The following FGGY variants were observed in gnomAD, a reference collection of about 807,000 sequenced individuals.
FGGY encodes FGGY carbohydrate kinase domain-containing protein.
A neutral mutation model predicts 71.3 loss-of-function variants in FGGY; 72 were observed. The ratio of observed to expected loss-of-function variants is 1.01; its 90% CI spans 0.84 to 1.23. The LOEUF (loss-of-function observed/expected upper bound fraction) is 1.23, where lower values mean the gene tolerates loss of function less well. Ranked by LOEUF, FGGY falls within the 50% of genes most tolerant of loss-of-function variation. The pLI is 0.00. For missense variants in FGGY, 668 were observed against 682.3 expected, an observed-to-expected ratio of 0.98 and a Z score of 0.23; for synonymous variants, 251 against 250.3, an observed-to-expected ratio of 1.00 and a Z score of -0.02.
At chr1:59,722,153 T>C (rs749310996) in intron 14 of FGGY, among the ~76,000 whole-genome samples, 38 of 142,646 alleles carry the variant, frequency 2.7e-4, no homozygotes, top group Admixed American at 4.6e-4. Context: ...TGTCCTTCAG[T>C]TGAGATTTGT....
At chr1:59,439,036 C>A (rs1432674059) in intron 5 of FGGY, among the ~76,000 whole-genome samples, 1 of 152,116 alleles carries the variant, frequency 6.6e-6, no homozygotes, top group Non-Finnish European at 1.5e-5. Flanking sequence ...TTTTTCCTTG[C>A]ACTTGACAGC....
chr1:59,491,933 T>C (rs2093878922), intron 6 of FGGY, among the ~76,000 whole-genome samples: 2 of 152,174 alleles, frequency 1.3e-5, no homozygotes, highest in African/African-American at 4.8e-5. Context: ...ACGCGTGTCG[T>C]TCTTATTGGA....
intron 14 of FGGY, among the ~76,000 whole-genome samples, chr1:59,700,231 A>G (rs2154016966): frequency 6.6e-6 from 1 of 152,350 alleles, no homozygotes; most frequent in Middle Eastern, 3.4e-3. Context: ...AAAAGCAAAT[A>G]CAGTGCACAG....
intron 15 of FGGY, among the ~76,000 whole-genome samples, chr1:59,760,473 A>G (rs1022185611): frequency 2.6e-5 from 4 of 152,236 alleles, no homozygotes; most frequent in African/African-American, 7.2e-5. Context: ...AAAGTAGGGT[A>G]TGGAAGAGAT....
At chr1:59,674,267 A>G (rs1351092218) in intron 14 of FGGY, 134 bp downstream of exon 14, 2 of 616,040 alleles carry the variant, frequency 3.2e-6, no homozygotes, top group Non-Finnish European at 5.8e-6. Flanking sequence ...CAGGGAAAGC[A>G]CAAACACTTC....
At chr1:59,418,282 A>G (rs1266945858) in intron 5 of FGGY, among the ~76,000 whole-genome samples, 2 of 152,166 alleles carry the variant, frequency 1.3e-5, no homozygotes, top group Non-Finnish European at 2.9e-5. Context: ...TGCTGACTAT[A>G]TGATATCTGT....
intron 14 of FGGY, among the ~76,000 whole-genome samples, chr1:59,687,268 CA>C (rs1285636818): frequency 6.6e-6 from 1 of 152,166 alleles, no homozygotes; most frequent in Non-Finnish European, 1.5e-5. Flanking sequence ...CAGCCTCTCT[CA>C]GATCCCAGTT....
At chr1:59,558,349 G>A (rs140918103) in intron 8 of FGGY, among the ~76,000 whole-genome samples, 53 of 152,226 alleles carry the variant, frequency 3.5e-4, no homozygotes, top group African/African-American at 1.1e-3. Flanking sequence ...TCTATTTTCC[G>A]TAAGTGTCAG....
chr1:59,725,840 A>G (rs2097941182), intron 14 of FGGY, among the ~76,000 whole-genome samples: 1 of 152,150 alleles, frequency 6.6e-6, no homozygotes, highest in South Asian at 2.1e-4. Flanking sequence ...GATTTTCCAC[A>G]TAGACATTCA....
At chr1:59,644,620 C>A (rs1432429958) in intron 11 of FGGY, among the ~76,000 whole-genome samples, 1 of 151,632 alleles carries the variant, frequency 6.6e-6, no homozygotes, top group East Asian at 1.9e-4. Context: ...CAGACACGCC[C>A]CCCCCCACCC....
rs1468509740 is a variant in FGGY, at chr1:59,580,222, C to A, written c.903+25995C>A. On this transcript the variant is annotated intron_variant, in intron 8 of 15. Transcript: ENST00000303721. ...CCTACGCTCCACTGGACTGTAAGTTCCATGAAGACAGAACTTTGTTTTTTC... is the reference window on the plus strand; with the variant it reads ...CCTACGCTCCACTGGACTGTAAGTTACATGAAGACAGAACTTTGTTTTTTC... Among the ~76,000 whole-genome samples the A allele has an allele frequency of 2.6e-5, 4 of 152,182 alleles. No homozygotes were observed. In the South Asian group the frequency reaches 6.2e-4, roughly 24 times the overall value.
intron 4 of FGGY, among the ~76,000 whole-genome samples, chr1:59,348,972 C>G (rs937842342): frequency 1.3e-5 from 2 of 152,090 alleles, no homozygotes; most frequent in Non-Finnish European, 2.9e-5. Flanking sequence ...GTTGTATTAA[C>G]CAGTTTGAAA....
intron 5 of FGGY, among the ~76,000 whole-genome samples, chr1:59,396,466 GC>G (rs970184565): frequency 6.6e-6 from 1 of 152,092 alleles, no homozygotes; most frequent in Non-Finnish European, 1.5e-5. Flanking sequence ...CCTCCATTCA[GC>G]CCTGCTGTCT....
intron 14 of FGGY, among the ~76,000 whole-genome samples, chr1:59,697,047 T>TA (rs1231392091): frequency 2.6e-5 from 4 of 151,738 alleles, no homozygotes; most frequent in Non-Finnish European, 1.5e-5. Context: ...GGCGAGGAAA[T>TA]ACCACAAAAA....
At chr1:59,437,838 A>C (rs537391009) in intron 5 of FGGY, among the ~76,000 whole-genome samples, 1 of 152,350 alleles carries the variant, frequency 6.6e-6, no homozygotes, top group African/African-American at 2.4e-5. Flanking sequence ...GAGCCAATTT[A>C]GTCTGGCAGG....
Position 59,363,206 on chromosome 1 carries a change from G to A in FGGY, c.466-15543G>A, listed in dbSNP as rs566526824. ...TTAAATGTTGCTACCAATGAACAAA[G>A]TGAGACTCATAGACATTAGGTGACT... On this transcript the variant is annotated intron_variant, in intron 4 of 15. Coordinates refer to ENST00000303721, the MANE Select transcript of FGGY (RefSeq NM_018291.5). 3.3e-5 allele frequency among the ~76,000 whole-genome samples: 5 copies of A among 152,276 alleles called. No homozygotes were observed. The East Asian group carries it at 9.7e-4, about 29-fold the overall frequency.
intron 2 of FGGY, among the ~76,000 whole-genome samples, chr1:59,331,339 T>G (rs751855628): frequency 2.0e-5 from 3 of 152,194 alleles, no homozygotes; most frequent in African/African-American, 4.8e-5. Flanking sequence ...ACTGGGTTTA[T>G]TTACTTCACT....
At chr1:59,709,542 T>C (rs1442636165) in intron 14 of FGGY, among the ~76,000 whole-genome samples, 2 of 150,988 alleles carry the variant, frequency 1.3e-5, no homozygotes, top group Non-Finnish European at 2.9e-5. Context: ...CGCCCACAGG[T>C]GGACAATTAG....
chr1:59,610,789 C>G (rs770769050), intron 9 of FGGY, among the ~76,000 whole-genome samples: 2 of 152,210 alleles, frequency 1.3e-5, no homozygotes, highest in Non-Finnish European at 2.9e-5. Context: ...CAGATGGCAC[C>G]TGGAAAATTG....
Sources: allele counts gnomAD v4.1 joint callset (sites outside exome capture counted in the v4.1 genomes callset), GRCh38; gene constraint gnomAD v4.1.1; transcripts MANE v1.5; gene names NCBI Gene and HGNC (gene_info 2026-07-23, HGNC 2026-07-21).